The following PDCL2 variants were observed in gnomAD, a reference collection of about 807,000 sequenced individuals.
PDCL2 encodes the protein phosducin like 2.
PDCL2 carries 23 observed loss-of-function variants against 30.3 expected under a neutral mutation model. That is an observed-to-expected ratio of 0.76 (90% CI 0.55 to 1.08). The LOEUF (loss-of-function observed/expected upper bound fraction) is 1.08. Ranked by LOEUF, PDCL2 falls within the 50% of genes least tolerant of loss-of-function variation. The pLI is 0.00. For missense variants in PDCL2, 243 were observed against 282.3 expected (o/e 0.86, Z 1.00); for synonymous variants, 68 against 86.2 (o/e 0.79, Z 1.17).
intron 4 of PDCL2, 106 bp from the exon 5 acceptor site, chr4:55,562,718 A>ATCAT: frequency 1.5e-6 from 1 of 680,902 alleles, no homozygotes. Context: ...TTAGATTAAT[A>ATCAT]TAAAAGCACA....
At position 55,569,780 on chromosome 4, in the gene PDCL2, A is replaced by C. The variant is rs767411632; in HGVS notation, c.300T>G (p.Tyr100Ter). ...GELREISGNQ[Y>*]VNEVTNAEED... is the part of the protein sequence containing the mutation. ...CTTCTGCATTTGTGACTTCATTCAC[A>C]TACTGATTTCCAGAAATTTCTCTTA... Residue 100 changes from tyrosine to a stop codon, truncating the protein, a stop_gained, in exon 4 of 6, where the codon TAT becomes TAG. Coordinates refer to ENST00000295645, the MANE Select transcript of PDCL2 (RefSeq NM_152401.3). LOFTEE classifies it high-confidence loss of function. 1 of 1,566,426 alleles carries C rather than the reference A, an allele frequency of 6.4e-7. No homozygotes were observed. The highest frequency in any genetic ancestry group is 8.7e-7 in the Non-Finnish European group (1 of 1,154,712).
intron 3 of PDCL2, among the ~76,000 whole-genome samples, chr4:55,573,983 T>C (rs970243879): frequency 3.3e-5 from 5 of 151,604 alleles, no homozygotes; most frequent in African/African-American, 4.8e-5. Context: ...AACCTCTGCC[T>C]CCCAGGTTCA....
chr4:55,592,160 G>A lies in PDCL2; in HGVS notation c.-51C>T. 1.2e-6 allele frequency: 2 copies of A among 1,601,272 alleles called. No individual in the cohort carries two copies. Among genetic ancestry groups the A allele is most frequent in the Non-Finnish European group, 8.5e-7 (1 of 1,174,616 alleles). ...CCCGCGTCGTCCTGCAGCTGGCGAG[G>A]CGCCACGGATGGAGACCCGCAGCCT... On this transcript the variant is annotated 5_prime_UTR_variant, in exon 1 of 6. Coordinates refer to ENST00000295645, the MANE Select transcript of PDCL2 (RefSeq NM_152401.3).
intron 1 of PDCL2, among the ~76,000 whole-genome samples, chr4:55,590,491 A>G (rs1732972203): frequency 6.8e-6 from 1 of 147,010 alleles, no homozygotes; most frequent in East Asian, 2.0e-4. Context: ...TGAACTATGA[A>G]TTTTTTCCCC....
rs1400838006 is a variant in PDCL2 at position 55,569,806 on chromosome 4, A to G, written c.274T>C (p.Leu92=). ...ALKKKQKFGE[L]REISGNQYVN... ...TACTGATTTCCAGAAATTTCTCTTA[A>G]TTCTCCAAATTTTTGTTTTTTCTTA... is the stretch of plus-strand genomic sequence containing the variant. The change falls in exon 4 of 6, where the codon TTA becomes CTA. Residue 92 remains leucine (L), a synonymous_variant. Coordinates refer to ENST00000295645, the MANE Select transcript of PDCL2 (RefSeq NM_152401.3). The G allele has an allele frequency of 6.4e-7, 1 of 1,561,802 alleles. No individual in the cohort carries two copies. Among genetic ancestry groups the G allele is most frequent in the Non-Finnish European group, 8.7e-7 (1 of 1,151,648 alleles).
chr4:55,575,919 A>G (rs35380515), intron 3 of PDCL2, among the ~76,000 whole-genome samples: 4,370 of 152,268 alleles, frequency 0.029, 100 homozygotes, highest in Non-Finnish European at 0.047. Flanking sequence ...AGACCTGCCT[A>G]AAAAATATGT....
intron 3 of PDCL2, among the ~76,000 whole-genome samples, chr4:55,578,073 A>T (rs917285217): frequency 6.6e-6 from 1 of 151,998 alleles, no homozygotes; most frequent in Non-Finnish European, 1.5e-5. Context: ...GTATTTTTTG[A>T]GCCTGCATCT....
intron 5 of PDCL2, among the ~76,000 whole-genome samples, chr4:55,561,599 C>A (rs980456211): frequency 6.6e-6 from 1 of 151,886 alleles, no homozygotes; most frequent in Admixed American, 6.6e-5. Flanking sequence ...AAACAAAAAC[C>A]GAAAACAGCC....
chr4:55,585,032 G>A (rs6830728), intron 1 of PDCL2, among the ~76,000 whole-genome samples: 114,990 of 152,142 alleles, frequency 0.76, 43,849 homozygotes, highest in East Asian at 0.9. Flanking sequence ...GTAGATTTGC[G>A]TATGCTGAAA....
At chr4:55,578,686 T>C (rs1468145683) in intron 3 of PDCL2, among the ~76,000 whole-genome samples, 2 of 152,186 alleles carry the variant, frequency 1.3e-5, no homozygotes, top group Admixed American at 6.5e-5. Context: ...AGAGGTGATA[T>C]GTCCTTCTCA....
intron 3 of PDCL2, among the ~76,000 whole-genome samples, chr4:55,576,691 GCTAA>G (rs1240747377): frequency 6.6e-6 from 1 of 152,064 alleles, no homozygotes; most frequent in Non-Finnish European, 1.5e-5. Context: ...AGAAAAATCA[GCTAA>G]CTGTGAAAAG....
chr4:55,560,243 A>G (rs182047928), intron 5 of PDCL2, among the ~76,000 whole-genome samples: 126 of 152,084 alleles, frequency 8.3e-4, no homozygotes, highest in African/African-American at 2.9e-3. Flanking sequence ...CCCCTAAGGA[A>G]GCAGGGAGGG....
chr4:55,582,515 C>T (rs1015371523), intron 1 of PDCL2, among the ~76,000 whole-genome samples: 1 of 152,170 alleles, frequency 6.6e-6, no homozygotes, highest in African/African-American at 2.4e-5. Context: ...TTGCTGAAGA[C>T]TGTATTGGGC....
At chr4:55,591,896 A>G (rs1348314952) in intron 1 of PDCL2, among the ~76,000 whole-genome samples, 1 of 152,244 alleles carries the variant, frequency 6.6e-6, no homozygotes, top group East Asian at 1.9e-4. Context: ...AGCGACAGAC[A>G]CAAGTCTTAA....
intron 5 of PDCL2, among the ~76,000 whole-genome samples, chr4:55,560,924 TG>T (rs1048414652): frequency 6.6e-6 from 1 of 152,176 alleles, no homozygotes; most frequent in Non-Finnish European, 1.5e-5. Context: ...CGCCTTGATC[TG>T]GGACTTCCCA....
chr4:55,570,904 T>C (rs888824991), intron 3 of PDCL2, among the ~76,000 whole-genome samples: 6 of 152,244 alleles, frequency 3.9e-5, no homozygotes, highest in African/African-American at 1.4e-4. Flanking sequence ...TTATTTTATG[T>C]ATTCTTGATG....
At position 55,592,150 on chromosome 4, in the gene PDCL2, A is replaced by C. The variant is rs766730423; in HGVS notation, c.-41T>G. The C allele has an allele frequency of 3.7e-6, 6 of 1,605,572 alleles. No individual in the cohort carries two copies. Among genetic ancestry groups the C allele is most frequent in the Non-Finnish European group, 4.2e-6 (5 of 1,176,672 alleles). The stretch of plus-strand genomic sequence containing the variant: ...CCCTCAAGAGCCCGCGTCGTCCTGC[A>C]GCTGGCGAGGCGCCACGGATGGAGA... On this transcript the variant is annotated 5_prime_UTR_variant, in exon 1 of 6. Transcript: ENST00000295645.
intron 1 of PDCL2, 25 bp downstream of exon 1, chr4:55,592,079 T>A: frequency 6.2e-7 from 1 of 1,608,846 alleles, no homozygotes; most frequent in Non-Finnish European, 8.5e-7. Context: ...TGTTCCAGGG[T>A]GGCTCGGCAG....
At chr4:55,583,885 CAG>C (rs1408726641) in intron 1 of PDCL2, among the ~76,000 whole-genome samples, 1 of 152,142 alleles carries the variant, frequency 6.6e-6, no homozygotes, top group Non-Finnish European at 1.5e-5. Context: ...CTTAGCTATT[CAG>C]AGTTTTTTGT....
Sources: gnomAD v4.1 joint callset for allele counts (sites outside exome capture counted in the v4.1 genomes callset) on GRCh38, gnomAD v4.1.1 for gene constraint, MANE v1.5 for transcripts, NCBI Gene and HGNC (gene_info 2026-07-23, HGNC 2026-07-21) for gene names.